Variants in TIA1 observed in about 807,000 individuals in gnomAD.
TIA1 encodes the protein TIA1 cytotoxic granule associated RNA binding protein, also known as cytotoxic granule associated RNA binding protein TIA1.
In TIA1, 23 loss-of-function variants were observed where a neutral mutation model predicts 65.9. That is an observed-to-expected ratio of 0.35 (90% CI 0.25 to 0.49). The LOEUF is 0.49. TIA1 is among the 20% of genes least tolerant of loss of function. The pLI, the probability that TIA1 is intolerant of heterozygous loss-of-function variation, is 0.98. For missense variants in TIA1, 371 were observed against 477.9 expected (o/e 0.78, Z 2.09); for synonymous variants, 147 against 149.4 (o/e 0.98, Z 0.12).
chr2:70,222,207 A>C (rs539036374), intron 7 of TIA1, among the ~76,000 whole-genome samples: 29 of 152,168 alleles, frequency 1.9e-4, no homozygotes, highest in African/African-American at 6.7e-4. Flanking sequence ...AAGGCAAGAG[A>C]GATGGGGACA....
chr2:70,215,622 T>A, intron 10 of TIA1, 128 bp from the exon 11 acceptor site: 1 of 867,532 alleles, frequency 1.2e-6, no homozygotes, highest in East Asian at 2.8e-5. Flanking sequence ...TTTTCTTTGC[T>A]ATTTTTTTCA....
At chr2:70,225,124 C>A in intron 6 of TIA1, 2 of 1,020,168 alleles carry the variant, frequency 2.0e-6, no homozygotes, top group Non-Finnish European at 2.4e-6. Context: ...AATTTATACC[C>A]CCCTTTTTGT....
At position 70,209,640 on chromosome 2, in the gene TIA1, G is replaced by A. The variant is rs1052964374; in HGVS notation, c.*3079C>T. 2 of 398,218 alleles carry A rather than the reference G, an allele frequency of 5.0e-6. No homozygotes were observed. Among genetic ancestry groups the A allele is most frequent in the Admixed American group, 8.8e-5 (2 of 22,706 alleles). 24.7% of individuals were successfully genotyped at this position (398,218 alleles called of 1,614,324 possible). A position where few individuals can be genotyped will look rare whatever the true frequency, so the allele number is the denominator to read the frequency against. On this transcript the variant is annotated 3_prime_UTR_variant, in exon 13 of 13. Transcript: ENST00000433529. ...AGAGAAAATCCAGGAAGAATGAATT[G>A]AGTTCCTTCTAGGAGTTGTTTATCC...
At chr2:70,232,224 A>C (rs1199664952) in intron 2 of TIA1, among the ~76,000 whole-genome samples, 2 of 146,464 alleles carry the variant, frequency 1.4e-5, no homozygotes, top group African/African-American at 5.0e-5. Flanking sequence ...AAAAAAAAAA[A>C]AGAAAAAAGA....
chr2:70,216,123 A>G (rs909950081), intron 10 of TIA1, 85 bp downstream of exon 10: 1 of 1,142,248 alleles, frequency 8.8e-7, no homozygotes, highest in Admixed American at 3.1e-5. Context: ...AATATTTTGG[A>G]GGAAAAAGTT....
At position 70,228,676 on chromosome 2, in the gene TIA1, C is replaced by A. The variant is rs925642908; in HGVS notation, c.310+383G>T. On this transcript the variant is annotated intron_variant, in intron 5 of 12. Coordinates refer to ENST00000433529, the MANE Select transcript of TIA1 (RefSeq NM_022173.4). ...AAGCATATTTGGAAAGAAAAGTTAC[C>A]CATATTTGACAGGCCTTAAACAACA... The A allele has an allele frequency of 1.2e-5, 12 of 985,258 alleles. No homozygotes were observed. The African/African-American group carries it at 1.7e-4, about 14-fold the overall frequency. 61.0% of individuals were successfully genotyped at this position (985,258 alleles called of 1,614,324 possible).
chr2:70,227,107 C>T (rs1249519101), intron 6 of TIA1, among the ~76,000 whole-genome samples: 1 of 152,092 alleles, frequency 6.6e-6, no homozygotes, highest in Admixed American at 6.6e-5. Flanking sequence ...GTTATTCTTA[C>T]TCTAATATGG....
chr2:70,237,468 T>C (rs1558921232), intron 1 of TIA1, among the ~76,000 whole-genome samples: 1 of 152,202 alleles, frequency 6.6e-6, no homozygotes. Flanking sequence ...GTTTTAGTCA[T>C]CGTTTTGCAA....
intron 1 of TIA1, among the ~76,000 whole-genome samples, chr2:70,242,335 C>G (rs910178839): frequency 2.0e-5 from 3 of 151,692 alleles, no homozygotes; most frequent in African/African-American, 7.3e-5. Context: ...AGTTCGAGAT[C>G]AGCCTGGCCA....
At chr2:70,228,827 T>A (rs976022238) in intron 5 of TIA1, 36 of 1,410,036 alleles carry the variant, frequency 2.6e-5, no homozygotes, top group Non-Finnish European at 3.0e-5. Context: ...GTGAAAGTAG[T>A]TCTAAGGCAT....
chr2:70,212,673 C>A lies in TIA1; in HGVS notation c.*46G>T. ...TTAAGTAAACAACGGCTTTACTACACTCCCTGTAGCCTCAAGCCACTGGCT... is the reference window on the plus strand; with the variant it reads ...TTAAGTAAACAACGGCTTTACTACAATCCCTGTAGCCTCAAGCCACTGGCT... On this transcript the variant is annotated 3_prime_UTR_variant, in exon 13 of 13. Coordinates refer to ENST00000433529, the MANE Select transcript of TIA1 (RefSeq NM_022173.4). The A allele has an allele frequency of 8.4e-7, 1 of 1,192,922 alleles. No individual in the cohort carries two copies. Among genetic ancestry groups the A allele is most frequent in the Non-Finnish European group, 1.3e-6 (1 of 795,916 alleles). The allele number at this position is 1,192,922 out of a possible 1,614,324, so 73.9% of individuals were successfully genotyped here.
At position 70,218,104 on chromosome 2, in the gene TIA1, G is replaced by GT. The variant is rs149380410; in HGVS notation, c.475-1111dup. 5.8e-3 allele frequency among the ~76,000 whole-genome samples: 886 copies of GT among 152,280 alleles called. 11 individuals are homozygous for GT. The highest frequency in any genetic ancestry group is 0.02 in the African/African-American group (850 of 41,556). ...ACAAATAAAGCAATTACATATTGTG[G>GT]TAAGACCTATGACAGAAACAAAAGG... On this transcript the variant is annotated intron_variant, in intron 7 of 12. Transcript: ENST00000433529.
chr2:70,235,557 T>C (rs553369495), intron 2 of TIA1, among the ~76,000 whole-genome samples: 2 of 151,948 alleles, frequency 1.3e-5, no homozygotes, highest in Non-Finnish European at 2.9e-5. Context: ...TGTGTGTGTG[T>C]GTGTGTGTGT....
At chr2:70,233,991 G>A (rs529028243) in intron 2 of TIA1, among the ~76,000 whole-genome samples, 6 of 152,144 alleles carry the variant, frequency 3.9e-5, no homozygotes, top group African/African-American at 1.2e-4. Flanking sequence ...GCTTTTGAGC[G>A]ATCAGAATCC....
intron 1 of TIA1, among the ~76,000 whole-genome samples, chr2:70,247,020 G>A (rs1188790922): frequency 6.6e-6 from 1 of 152,066 alleles, no homozygotes; most frequent in Admixed American, 6.6e-5. Flanking sequence ...TATAAAACAC[G>A]AGCAGTGCCT....
intron 7 of TIA1, among the ~76,000 whole-genome samples, chr2:70,218,656 A>G (rs1679793771): frequency 6.6e-6 from 1 of 152,178 alleles, no homozygotes; most frequent in Non-Finnish European, 1.5e-5. Context: ...GATGGTCTCC[A>G]TCTCCTGACC....
At chr2:70,246,711 C>T (rs1303159246) in intron 1 of TIA1, among the ~76,000 whole-genome samples, 1 of 152,090 alleles carries the variant, frequency 6.6e-6, no homozygotes, top group Non-Finnish European at 1.5e-5. Flanking sequence ...CATGGTGAAA[C>T]CCCATCTCTA....
At chr2:70,232,681 C>T (rs1036708580) in intron 2 of TIA1, among the ~76,000 whole-genome samples, 1 of 150,908 alleles carries the variant, frequency 6.6e-6, no homozygotes, top group Middle Eastern at 3.4e-3. Context: ...CTAGCCTGGC[C>T]AAAATGGTGA....
intron 5 of TIA1, chr2:70,228,377 G>C: frequency 7.8e-7 from 1 of 1,288,194 alleles, no homozygotes; most frequent in Non-Finnish European, 1.0e-6. Context: ...TAAAGTATTT[G>C]ACAGTTTTCT....
Sources: allele counts gnomAD v4.1 joint callset (sites outside exome capture counted in the v4.1 genomes callset), GRCh38; gene constraint gnomAD v4.1.1; transcripts MANE v1.5; gene names NCBI Gene and HGNC (gene_info 2026-07-23, HGNC 2026-07-21).